Variants in NFIA observed in about 807,000 individuals in gnomAD.
NFIA encodes the protein nuclear factor I A.
A neutral mutation model predicts 62.8 loss-of-function variants in NFIA; 8 were observed. The observed-to-expected ratio is 0.13, with a 90% CI of 0.07 to 0.23. NFIA has a LOEUF of 0.23. Among genes scored for constraint, NFIA ranks in the 10% least tolerant of loss-of-function variants. NFIA has a pLI of 1.00. For missense variants in NFIA, 410 were observed against 642.1 expected (o/e 0.64, Z 3.91); for synonymous variants, 235 against 238.1 (o/e 0.99, Z 0.12).
At chr1:61,089,227 G>A (rs1451413768) in intron 2 of NFIA, among the ~76,000 whole-genome samples, 1 of 152,154 alleles carries the variant, frequency 6.6e-6, no homozygotes, top group Non-Finnish European at 1.5e-5. Flanking sequence ...AATTCTTAGT[G>A]TTGTCTCAGA....
At chr1:61,380,232 C>G (rs1442972799) in intron 6 of NFIA, among the ~76,000 whole-genome samples, 1 of 152,176 alleles carries the variant, frequency 6.6e-6, no homozygotes, top group Non-Finnish European at 1.5e-5. Context: ...ATTTCTGCTT[C>G]TCATTCTACA....
At chr1:61,110,285 C>T (rs900902592) in intron 2 of NFIA, among the ~76,000 whole-genome samples, 1 of 150,256 alleles carries the variant, frequency 6.7e-6, no homozygotes, top group Non-Finnish European at 1.5e-5. Flanking sequence ...AGAGTTTTTA[C>T]TCTTAGAAAA....
At chr1:61,309,727 A>G (rs1370148220) in intron 3 of NFIA, among the ~76,000 whole-genome samples, 3 of 152,170 alleles carry the variant, frequency 2.0e-5, no homozygotes, top group African/African-American at 4.8e-5. Flanking sequence ...CGTCTCTACT[A>G]AAAATACAAA....
intron 2 of NFIA, among the ~76,000 whole-genome samples, chr1:61,208,826 A>G (rs1653058745): frequency 6.6e-6 from 1 of 152,192 alleles, no homozygotes; most frequent in African/African-American, 2.4e-5. Flanking sequence ...TTTAATAAAC[A>G]TGTCTGGAGT....
intron 2 of NFIA, among the ~76,000 whole-genome samples, chr1:61,127,240 G>A (rs1570217087): frequency 6.6e-6 from 1 of 151,282 alleles, no homozygotes; most frequent in Admixed American, 6.6e-5. Context: ...GATGGATCGC[G>A]AGGTCAGGAG....
At chr1:61,216,581 C>CAG (rs1653638596) in intron 2 of NFIA, among the ~76,000 whole-genome samples, 1 of 152,160 alleles carries the variant, frequency 6.6e-6, no homozygotes, top group Admixed American at 6.5e-5. Context: ...ATTGATTGCT[C>CAG]AGGTAAATTA....
chr1:61,277,376 TTTTC>T (rs1657867488), intron 2 of NFIA, 140 bp from the exon 3 acceptor site: 1 of 733,052 alleles, frequency 1.4e-6, no homozygotes, highest in Non-Finnish European at 2.3e-6. Flanking sequence ...TCTTTCCATC[TTTTC>T]TTTTTTTCAT....
At chr1:61,412,792 A>G (rs893272981) in intron 9 of NFIA, among the ~76,000 whole-genome samples, 3 of 152,188 alleles carry the variant, frequency 2.0e-5, no homozygotes, top group African/African-American at 7.2e-5. Flanking sequence ...TAGACCTAAG[A>G]GTCCTGAGAA....
chr1:61,233,695 C>A (rs781205298), intron 2 of NFIA, among the ~76,000 whole-genome samples: 2 of 152,118 alleles, frequency 1.3e-5, no homozygotes, highest in Non-Finnish European at 2.9e-5. Flanking sequence ...ATGATAGTAA[C>A]CACCTCAAAG....
At chr1:61,286,376 A>C (rs1429857798) in intron 3 of NFIA, among the ~76,000 whole-genome samples, 2 of 150,274 alleles carry the variant, frequency 1.3e-5, no homozygotes, top group African/African-American at 2.5e-5. Context: ...TGCAGTGAGC[A>C]GAGATTGCGC....
intron 2 of NFIA, among the ~76,000 whole-genome samples, chr1:61,123,661 T>G (rs997892866): frequency 2.0e-5 from 3 of 150,656 alleles, no homozygotes; most frequent in Non-Finnish European, 2.9e-5. Context: ...AAAAATAAAA[T>G]TAAATCTTTA....
At chr1:61,113,755 G>GAGGAA (rs987742238) in intron 2 of NFIA, among the ~76,000 whole-genome samples, 4 of 151,894 alleles carry the variant, frequency 2.6e-5, no homozygotes, top group Non-Finnish European at 4.4e-5. Flanking sequence ...CCATGGTGGA[G>GAGGAA]AGAAGAGTTG....
At chr1:61,292,259 C>T (rs1256022339) in intron 3 of NFIA, among the ~76,000 whole-genome samples, 1 of 152,168 alleles carries the variant, frequency 6.6e-6, no homozygotes, top group Non-Finnish European at 1.5e-5. Context: ...AGACTATGTG[C>T]TCCCTGAGGG....
chr1:61,451,291 G>A (rs941508006), intron 10 of NFIA, among the ~76,000 whole-genome samples: 1 of 152,162 alleles, frequency 6.6e-6, no homozygotes, highest in African/African-American at 2.4e-5. Context: ...AGAACTGTGA[G>A]GGGAAAAAGT....
chr1:61,087,135 A>C (rs1056937811), intron 1 of NFIA, among the ~76,000 whole-genome samples: 2 of 152,130 alleles, frequency 1.3e-5, no homozygotes, highest in African/African-American at 4.8e-5. Context: ...ATTTTAAGCA[A>C]AACAGAAAGA....
At position 61,180,805 on chromosome 1, in the gene NFIA, G is replaced by T. The variant is rs578066989; in HGVS notation, c.559+92125G>T. Among the ~76,000 whole-genome samples, 3 of 152,136 alleles carry T rather than the reference G, an allele frequency of 2.0e-5. No individual in the cohort carries two copies. The South Asian group carries it at 6.2e-4, about 32-fold the overall frequency. On this transcript the variant is annotated intron_variant, in intron 2 of 10. Coordinates refer to ENST00000403491, the MANE Select transcript of NFIA (RefSeq NM_001134673.4). ...ATTAAGGACCAGTGCTTGAATTCTG[G>T]GGCTGAAAATTCAACGTATTCCCTT...
chr1:61,208,033 T>C (rs1653011664), intron 2 of NFIA, among the ~76,000 whole-genome samples: 1 of 149,098 alleles, frequency 6.7e-6, no homozygotes, highest in East Asian at 2.0e-4. Context: ...GGTAAGGCAC[T>C]GTCTGCAATG....
intron 2 of NFIA, among the ~76,000 whole-genome samples, chr1:61,255,399 T>A (rs1437608952): frequency 6.6e-6 from 1 of 152,244 alleles, no homozygotes; most frequent in Non-Finnish European, 1.5e-5. Context: ...TGAGAAATTA[T>A]CAAGTACAGA....
upstream of NFIA, chr1:61,077,518 G>T (rs749708584): frequency 6.0e-6 from 6 of 994,434 alleles, no homozygotes; most frequent in Non-Finnish European, 8.1e-6. Flanking sequence ...GGTTTTCAAC[G>T]GTTCCAAGTT....
Sources: allele counts gnomAD v4.1 joint callset (sites outside exome capture counted in the v4.1 genomes callset), GRCh38; gene constraint gnomAD v4.1.1; transcripts MANE v1.5; gene names NCBI Gene and HGNC (gene_info 2026-07-23, HGNC 2026-07-21).